Variants in CDH23 observed in about 807,000 individuals in gnomAD.
CDH23 encodes cadherin related 23, also known as cadherin-23.
Under a neutral mutation model 317.1 loss-of-function variants are expected in CDH23, and 189 were observed. The observed-to-expected ratio is 0.60, with a 90% CI of 0.53 to 0.67. The LOEUF is 0.67. Ranked by LOEUF, CDH23 falls within the 30% of genes least tolerant of loss-of-function variation. The probability of loss-of-function intolerance (pLI) is 0.00; values close to 1 mark genes in which losing one functional copy is unlikely to be tolerated. For missense variants in CDH23, 4,401 were observed against 4,592.4 expected, an observed-to-expected ratio of 0.96 and a Z score of 1.20; for synonymous variants, 1,839 against 1,876.8, an observed-to-expected ratio of 0.98 and a Z score of 0.52.
intron 8 of CDH23, among the ~76,000 whole-genome samples, chr10:71,572,643 A>T (rs776962368): frequency 2.0e-5 from 3 of 151,660 alleles, no homozygotes; most frequent in Admixed American, 2.0e-4. Flanking sequence ...CCACCCACCC[A>T]TTTGTTCCCA....
At position 71,639,970 on chromosome 10, in the gene CDH23, T is replaced by C. The variant is rs572988627; in HGVS notation, c.1135-3891T>C. ...AGAGGACTTGGTCAGTAGGTGATCCTGAGGGTCTTAGGACATGTGTCCTGA... is the reference window on the plus strand; with the variant it reads ...AGAGGACTTGGTCAGTAGGTGATCCCGAGGGTCTTAGGACATGTGTCCTGA... On this transcript the variant is annotated intron_variant, in intron 11 of 69. Coordinates refer to ENST00000224721, the MANE Select transcript of CDH23 (RefSeq NM_022124.6). Among the ~76,000 whole-genome samples, 8 of 152,334 alleles carry C rather than the reference T, an allele frequency of 5.3e-5. No homozygotes were observed. In the South Asian group the frequency reaches 1.7e-3, roughly 32 times the overall value.
chr10:71,713,056 A>G (rs896442552), intron 28 of CDH23: 10 of 738,418 alleles, frequency 1.4e-5, no homozygotes, highest in Non-Finnish European at 2.0e-5. Flanking sequence ...CAGGAGGAAG[A>G]CTTGGCCTCC....
chr10:71,471,595 C>T (rs1217322975), intron 3 of CDH23, among the ~76,000 whole-genome samples: 1 of 152,132 alleles, frequency 6.6e-6, no homozygotes, highest in East Asian at 1.9e-4. Context: ...GTGGACCCAG[C>T]TGAGCCCTGG....
chr10:71,574,623 C>T (rs1653349766), intron 8 of CDH23, among the ~76,000 whole-genome samples: 1 of 152,124 alleles, frequency 6.6e-6, no homozygotes, highest in South Asian at 2.1e-4. Flanking sequence ...AGGGGGTGTC[C>T]CGGCTGAGCT....
chr10:71,813,117 G>T, intron 68 of CDH23, 127 bp from the exon 69 acceptor site: 1 of 1,126,060 alleles, frequency 8.9e-7, no homozygotes, highest in South Asian at 1.5e-5. Flanking sequence ...AGGCTCTGCC[G>T]CTGATCCTCT....
In CDH23 at chr10:71,476,159, G is replaced by A. The variant is rs1003921641; in HGVS notation, c.145+29764G>A. ...AAATAGGGCATCAACAATGCAAGGG[G>A]AGTTTTCCTTCCCCCTCCCAGGAAA... On this transcript the variant is annotated intron_variant, in intron 3 of 69. Transcript: ENST00000224721. Among the ~76,000 whole-genome samples, 99 of 152,154 alleles carry A rather than the reference G, an allele frequency of 6.5e-4. 1 individual carries two copies. Among genetic ancestry groups the A allele is most frequent in the Admixed American group, 5.2e-3 (79 of 15,284 alleles).
At position 71,798,483 on chromosome 10, in the gene CDH23, C is replaced by T. The variant is rs748864889; in HGVS notation, c.6959C>T (p.Ala2320Val). ...TPGTTLIAVA[A>V]VDPDKGLNGL... ...GGGACCACACTCATTGCTGTGGCAG[C>T]CGTGGACCCTGACAAGGGCCTTAAT... Residue 2320 changes from alanine to valine, a missense_variant, in exon 50 of 70, where the codon GCC (alanine) becomes GTC (valine). Physicochemically the swap from Ala to Val is moderately conservative, Grantham distance 64 (BLOSUM62 0). Transcript: ENST00000224721. The T allele has an allele frequency of 1.2e-6, 2 of 1,613,872 alleles. No homozygotes were observed. The highest frequency in any genetic ancestry group is 1.7e-6 in the Non-Finnish European group (2 of 1,179,872).
intron 9 of CDH23, among the ~76,000 whole-genome samples, chr10:71,588,223 C>T (rs1191145967): frequency 6.6e-6 from 1 of 152,172 alleles, no homozygotes; most frequent in African/African-American, 2.4e-5. Flanking sequence ...ACCTACGTTT[C>T]TATCAGCGTG....
intron 1 of CDH23, among the ~76,000 whole-genome samples, chr10:71,432,378 AGT>A (rs377521834): frequency 0.028 from 3,902 of 139,676 alleles, 145 homozygotes; most frequent in African/African-American, 0.091. Flanking sequence ...TGTGTTTGAG[AGT>A]GTGTGAGTTG....
intron 3 of CDH23, among the ~76,000 whole-genome samples, chr10:71,507,753 G>A (rs898512639): frequency 6.6e-6 from 1 of 152,202 alleles, no homozygotes. Context: ...GTTCGTTTTA[G>A]TATAAAACAT....
intron 53 of CDH23, 22 bp from the exon 54 acceptor site, chr10:71,802,876 G>T (rs934723682): frequency 1.2e-6 from 2 of 1,613,490 alleles, no homozygotes; most frequent in East Asian, 2.2e-5. Context: ...CTTACCTTTG[G>T]CCTTGACCTC....
intron 14 of CDH23, among the ~76,000 whole-genome samples, chr10:71,670,350 G>A (rs533869455): frequency 6.0e-4 from 91 of 152,302 alleles, no homozygotes; most frequent in Non-Finnish European, 1.0e-3. Context: ...GAGATGTTGA[G>A]CCCTGTATGG....
intron 9 of CDH23, among the ~76,000 whole-genome samples, chr10:71,579,574 T>G (rs1170494533): frequency 3.9e-5 from 6 of 152,210 alleles, no homozygotes; most frequent in Admixed American, 3.9e-4. Flanking sequence ...ATTCTCCTTC[T>G]GGAGGTCTGG....
At chr10:71,442,505 C>A (rs963781069) in intron 2 of CDH23, among the ~76,000 whole-genome samples, 1 of 152,218 alleles carries the variant, frequency 6.6e-6, no homozygotes, top group Non-Finnish European at 1.5e-5. Context: ...ATCTCTACCC[C>A]CCTACCTGGT....
At chr10:71,796,212 A>G in intron 48 of CDH23, 2 of 543,298 alleles carry the variant, frequency 3.7e-6, no homozygotes, top group Non-Finnish European at 4.7e-6. Flanking sequence ...GATGAAGCCA[A>G]TGGGAGGAGA....
chr10:71,812,987 G>C, intron 68 of CDH23, 97 bp downstream of exon 68: 3 of 1,543,330 alleles, frequency 1.9e-6, no homozygotes, highest in African/African-American at 2.7e-5. Context: ...GGCTCAGCTA[G>C]ACCCACCCTC....
In CDH23 at chr10:71,720,420, AACAC is replaced by A. The variant is rs57346519; in HGVS notation, c.3370-3598_3370-3595del. Among the ~76,000 whole-genome samples the A allele has an allele frequency of 1.0e-4, 15 of 145,836 alleles. No individual in the cohort carries two copies. The South Asian group carries it at 1.1e-3, about 11-fold the overall frequency. ...GACCTCCACTGGAGGCTCTTTCCAA[AACAC>A]ACACACACACACACACACACACACA... On this transcript the variant is annotated intron_variant, in intron 28 of 69. Coordinates refer to ENST00000224721, the MANE Select transcript of CDH23 (RefSeq NM_022124.6).
At chr10:71,646,422 G>T (rs1205663385) in intron 13 of CDH23, 37 bp from the exon 14 acceptor site, 2 of 1,607,748 alleles carry the variant, frequency 1.2e-6, no homozygotes, top group African/African-American at 1.3e-5. Flanking sequence ...GAGGGGACAT[G>T]TGGGAGCTTA....
At chr10:71,612,253 T>G (rs1034834711) in intron 9 of CDH23, among the ~76,000 whole-genome samples, 3 of 151,592 alleles carry the variant, frequency 2.0e-5, no homozygotes, top group African/African-American at 7.3e-5. Flanking sequence ...TGTGTGTGTA[T>G]GTATGTGTGT....
Sources: gnomAD v4.1 joint callset for allele counts (sites outside exome capture counted in the v4.1 genomes callset) on GRCh38, gnomAD v4.1.1 for gene constraint, MANE v1.5 for transcripts, NCBI Gene and HGNC (gene_info 2026-07-23, HGNC 2026-07-21) for gene names.